PDZK1: variants seen among roughly 807,000 people sequenced by gnomAD.
The protein encoded by PDZK1 is Na(+)/H(+) exchange regulatory cofactor NHE-RF3.
PDZK1 carries 23 observed loss-of-function variants against 38.1 expected under a neutral mutation model. The observed-to-expected ratio is 0.60, with a 90% CI of 0.43 to 0.85. The LOEUF is 0.85. PDZK1 is among the 40% of genes least tolerant of loss of function. PDZK1 has a pLI of 0.00. For missense variants in PDZK1, 297 were observed against 504.3 expected (o/e 0.59, Z 3.94); for synonymous variants, 98 against 186.2 (o/e 0.53, Z 3.86).
At chr1:145,697,684 G>A (rs1655708328) in intron 1 of PDZK1, among the ~76,000 whole-genome samples, 1 of 149,942 alleles carries the variant, frequency 6.7e-6, no homozygotes, top group African/African-American at 2.5e-5. Flanking sequence ...TGCAACCTCT[G>A]CCTCCCAGAT....
chr1:145,706,880 A>T (rs1436453207), intron 1 of PDZK1, among the ~76,000 whole-genome samples: 1 of 151,780 alleles, frequency 6.6e-6, no homozygotes, highest in Non-Finnish European at 1.5e-5. Flanking sequence ...TGGGCAAGCT[A>T]AGTTAGGCTG....
At chr1:145,689,066 C>T (rs933172469) in intron 1 of PDZK1, among the ~76,000 whole-genome samples, 39 of 152,070 alleles carry the variant, frequency 2.6e-4, no homozygotes, top group Non-Finnish European at 2.5e-4. Flanking sequence ...AAGAGATGCT[C>T]GATAGAAAAG....
At chr1:145,693,341 A>C (rs1655390768) in intron 1 of PDZK1, among the ~76,000 whole-genome samples, 1 of 152,190 alleles carries the variant, frequency 6.6e-6, no homozygotes, top group Non-Finnish European at 1.5e-5. Context: ...CAATCACCTT[A>C]CAAGTTTGAT....
chr1:145,690,318 T>G (rs1427472917), intron 1 of PDZK1, among the ~76,000 whole-genome samples: 1 of 151,860 alleles, frequency 6.6e-6, no homozygotes, highest in Non-Finnish European at 1.5e-5. Flanking sequence ...CCTACACCTT[T>G]CCATTTCATA....
chr1:145,675,030 G>A (rs1223305064), intron 6 of PDZK1, among the ~76,000 whole-genome samples: 2 of 151,948 alleles, frequency 1.3e-5, no homozygotes, highest in Admixed American at 6.6e-5. Flanking sequence ...TTCCAGACCT[G>A]GGATCTGTGC....
At chr1:145,671,637 G>C (rs1653056976) in intron 8 of PDZK1, 148 bp from the exon 9 acceptor site, 1 of 551,612 alleles carries the variant, frequency 1.8e-6, no homozygotes, top group Non-Finnish European at 3.4e-6. Flanking sequence ...CAATTGTGTA[G>C]AGCTGATAAA....
chr1:145,672,425 T>A (rs1553698116), intron 8 of PDZK1, among the ~76,000 whole-genome samples: 1 of 150,552 alleles, frequency 6.6e-6, no homozygotes, highest in Non-Finnish European at 1.5e-5. Flanking sequence ...AGAACCAGAA[T>A]TCATATCTAG....
At chr1:145,699,343 G>A (rs906795810) in intron 1 of PDZK1, among the ~76,000 whole-genome samples, 3 of 152,146 alleles carry the variant, frequency 2.0e-5, no homozygotes, top group East Asian at 1.9e-4. Context: ...GCTTGAACCC[G>A]GGAGGTGGAG....
chr1:145,683,749 A>T (rs1297616254), intron 3 of PDZK1, among the ~76,000 whole-genome samples: 1 of 152,170 alleles, frequency 6.6e-6, no homozygotes, highest in South Asian at 2.1e-4. Flanking sequence ...TAAGAGATTA[A>T]CAATAACTGA....
At chr1:145,699,137 C>G (rs1040655767) in intron 1 of PDZK1, among the ~76,000 whole-genome samples, 1 of 151,716 alleles carries the variant, frequency 6.6e-6, no homozygotes, top group African/African-American at 2.4e-5. Context: ...ACTCAGGAGT[C>G]TGAGGCAGGA....
In PDZK1 at chr1:145,673,735, G is replaced by T; in HGVS notation, c.1137C>A (p.Cys379Ter). The T allele has an allele frequency of 6.2e-7, 1 of 1,611,664 alleles. No individual in the cohort carries two copies. Among genetic ancestry groups the T allele is most frequent in the Non-Finnish European group, 8.5e-7 (1 of 1,179,766 alleles). ...TEEVDHKPKL[C>*]RLAKGENGYG... is the part of the protein sequence containing the mutation. Reference sequence around the variant, plus strand: ...AGCCATTTTCACCTTTAGCCAGCCTGCAGAGTTTAGGCTTATGATCTACTT... The same window carrying T: ...AGCCATTTTCACCTTTAGCCAGCCTTCAGAGTTTAGGCTTATGATCTACTT... The change falls in exon 7 of 9, where the codon TGC becomes TGA. Residue 379 changes from cysteine (C) to a stop codon, truncating the protein, a stop_gained. Transcript: ENST00000417171. LOFTEE classifies it high-confidence loss of function.
At chr1:145,692,253 G>A (rs961041071) in intron 1 of PDZK1, among the ~76,000 whole-genome samples, 1 of 151,730 alleles carries the variant, frequency 6.6e-6, no homozygotes, top group Non-Finnish European at 1.5e-5. Context: ...CCCAAGGCAG[G>A]CCAAGGACTC....
At chr1:145,674,727 A>C (rs1461634745) in intron 6 of PDZK1, among the ~76,000 whole-genome samples, 3 of 152,236 alleles carry the variant, frequency 2.0e-5, no homozygotes, top group African/African-American at 7.2e-5. Context: ...CTGGCATCCC[A>C]GGGTCTCAAG....
chr1:145,688,237 G>A (rs1457565601), intron 1 of PDZK1, among the ~76,000 whole-genome samples: 1 of 151,966 alleles, frequency 6.6e-6, no homozygotes, highest in Non-Finnish European at 1.5e-5. Flanking sequence ...TAGAGTTTCA[G>A]ACCCACGTAT....
At chr1:145,687,626 G>T (rs1166289305) in intron 2 of PDZK1, among the ~76,000 whole-genome samples, 186 bp downstream of exon 2, 2 of 151,196 alleles carry the variant, frequency 1.3e-5, no homozygotes, top group Non-Finnish European at 2.9e-5. Flanking sequence ...AGAGTAATGT[G>T]TACAGTTCTT....
At chr1:145,690,908 T>C (rs1553703020) in intron 1 of PDZK1, among the ~76,000 whole-genome samples, 2 of 152,196 alleles carry the variant, frequency 1.3e-5, no homozygotes, top group Non-Finnish European at 2.9e-5. Context: ...AACAGCCAGA[T>C]GGTAATCGCT....
At chr1:145,689,711 A>G (rs1553702760) in intron 1 of PDZK1, among the ~76,000 whole-genome samples, 1 of 152,182 alleles carries the variant, frequency 6.6e-6, no homozygotes, top group Non-Finnish European at 1.5e-5. Flanking sequence ...CCTACAAATC[A>G]GAATAAACCA....
intron 6 of PDZK1, chr1:145,676,060 T>C (rs1201111869): frequency 2.2e-5 from 4 of 180,682 alleles, no homozygotes; most frequent in African/African-American, 7.2e-5. Context: ...ATTCAGATAA[T>C]TGGGTGTCTA....
At chr1:145,701,720 A>G (rs1174042761) in intron 1 of PDZK1, among the ~76,000 whole-genome samples, 1 of 152,174 alleles carries the variant, frequency 6.6e-6, no homozygotes, top group Non-Finnish European at 1.5e-5. Context: ...GCCTTGGCAC[A>G]TGCTGTTCCT....
Sources: gnomAD v4.1 joint callset for allele counts (sites outside exome capture counted in the v4.1 genomes callset) on GRCh38, gnomAD v4.1.1 for gene constraint, MANE v1.5 for transcripts, NCBI Gene and HGNC (gene_info 2026-07-23, HGNC 2026-07-21) for gene names.